Variants in TJP2 observed in about 807,000 individuals in gnomAD.
The protein encoded by TJP2 is Friedreich ataxia region gene X104 (tight junction protein ZO-2).
In TJP2, 91 loss-of-function variants were observed where a neutral mutation model predicts 133.1. That is an observed-to-expected ratio of 0.68 (90% CI 0.58 to 0.81). The LOEUF is 0.81. Among genes scored for constraint, TJP2 ranks in the 40% least tolerant of loss-of-function variants. TJP2 has a pLI of 0.00. For synonymous variants in TJP2, 592 were observed against 583.4 expected, an observed-to-expected ratio of 1.01 and a Z score of -0.21; for missense variants, 1,541 against 1,565.6, an observed-to-expected ratio of 0.98 and a Z score of 0.26.
intron 1 of TJP2, among the ~76,000 whole-genome samples, chr9:69,184,702 T>A (rs1002515626): frequency 6.6e-6 from 1 of 151,770 alleles, no homozygotes; most frequent in Non-Finnish European, 1.5e-5. Flanking sequence ...TTTTCATCAT[T>A]CCTCAAGAAC....
intron 2 of TJP2, among the ~76,000 whole-genome samples, chr9:69,215,774 T>G (rs910695952): frequency 6.6e-6 from 1 of 152,014 alleles, no homozygotes; most frequent in African/African-American, 2.4e-5. Context: ...ACAATGGCTG[T>G]CTGTTGTAAT....
intron 20 of TJP2, among the ~76,000 whole-genome samples, chr9:69,250,144 C>T (rs889666557): frequency 2.6e-5 from 4 of 152,018 alleles, no homozygotes; most frequent in Non-Finnish European, 2.9e-5. Flanking sequence ...ACTCTGTTGC[C>T]CAGGCTGGAG....
At chr9:69,198,167 A>T in intron 1 of TJP2, among the ~76,000 whole-genome samples, 2 of 101,938 alleles carry the variant, frequency 2.0e-5, no homozygotes, top group Non-Finnish European at 1.9e-5. Flanking sequence ...TTTGAGACTG[A>T]GTTTCACTCT....
At chr9:69,169,891 C>T (rs774166107), upstream of TJP2, among the ~76,000 whole-genome samples, 5 of 152,150 alleles carry the variant, frequency 3.3e-5, no homozygotes, top group Non-Finnish European at 7.4e-5. Context: ...ACCTAGGCTG[C>T]AGTATAGTGG....
chr9:69,234,363 C>T (rs1190705607), intron 11 of TJP2, 76 bp from the exon 12 acceptor site: 3 of 1,210,096 alleles, frequency 2.5e-6, no homozygotes, highest in African/African-American at 3.4e-5. Flanking sequence ...CTATAAACTT[C>T]TCTGTTTTTT....
chr9:69,159,232 C>T (rs1194119834), intron 2 of TJP2, among the ~76,000 whole-genome samples: 1 of 151,960 alleles, frequency 6.6e-6, no homozygotes, highest in African/African-American at 2.4e-5. Context: ...AGGAAGATAA[C>T]ATCACTTGCG....
At chr9:69,244,379 C>G (rs1429585301) in intron 17 of TJP2, among the ~76,000 whole-genome samples, 1 of 152,032 alleles carries the variant, frequency 6.6e-6, no homozygotes, top group African/African-American at 2.4e-5. Context: ...CTTTTGCTGT[C>G]GCTCTTGGTG....
intron 1 of TJP2, among the ~76,000 whole-genome samples, chr9:69,124,053 C>CT (rs1378581337): frequency 2.7e-5 from 2 of 72,988 alleles, no homozygotes; most frequent in East Asian, 4.1e-4. Flanking sequence ...AATTTTTTTT[C>CT]TTTTTTTTAG....
intron 1 of TJP2, among the ~76,000 whole-genome samples, chr9:69,129,083 G>C (rs536398827): frequency 6.6e-6 from 1 of 152,338 alleles, no homozygotes; most frequent in South Asian, 2.1e-4. Context: ...TTGATGGGGA[G>C]TACGTAAGCA....
At position 69,252,917 on chromosome 9, in the gene TJP2, G is replaced by C; in HGVS notation, c.3407+17G>C. 6.2e-7 allele frequency: 1 copy of C among 1,613,150 alleles called. No homozygotes were observed. The highest frequency in any genetic ancestry group is 2.2e-5 in the East Asian group (1 of 44,884). Reference sequence around the variant, plus strand: ...GCACACGAGGTAAGGGCTGCCTAGTGGGTACAGGTCTAAGGCGGGGACTTC... The same window carrying C: ...GCACACGAGGTAAGGGCTGCCTAGTCGGTACAGGTCTAAGGCGGGGACTTC... On this transcript the variant is annotated intron_variant, in intron 22 of 22. Transcript: ENST00000377245.
chr9:69,212,465 C>G lies in TJP2; in HGVS notation c.61-83C>G, dbSNP rs372316289. On this transcript the variant is annotated intron_variant, in intron 1 of 22. Coordinates refer to ENST00000377245, the MANE Select transcript of TJP2 (RefSeq NM_004817.4). The stretch of plus-strand genomic sequence containing the variant: ...AGAAAGTGTGAGCTGGACTTTATGT[C>G]GAGGCATTTTGAATGATAATTTTAT... The G allele has an allele frequency of 9.5e-6, 10 of 1,047,460 alleles. No homozygotes were observed. The African/African-American group carries it at 1.2e-4, about 13-fold the overall frequency. 64.9% of individuals were successfully genotyped at this position (1,047,460 alleles called of 1,614,324 possible). A position where few individuals can be genotyped will look rare whatever the true frequency, so the allele number is the denominator to read the frequency against.
chr9:69,173,308 G>A (rs1824790384), upstream of TJP2, among the ~76,000 whole-genome samples: 2 of 152,060 alleles, frequency 1.3e-5, no homozygotes, highest in Admixed American at 6.5e-5. Context: ...ATTTTTAATC[G>A]GTACCTGTTT....
At chr9:69,228,668 G>A (rs1005194475) in intron 9 of TJP2, among the ~76,000 whole-genome samples, 22 of 152,236 alleles carry the variant, frequency 1.4e-4, no homozygotes, top group African/African-American at 3.4e-4. Context: ...AGGGAAGAAG[G>A]AAATAAAAAA....
intron 1 of TJP2, among the ~76,000 whole-genome samples, chr9:69,191,856 T>C (rs1826225463): frequency 2.6e-5 from 4 of 151,856 alleles, no homozygotes. Flanking sequence ...CCTGCCTCAG[T>C]CTCCTGACTA....
intron 1 of TJP2, among the ~76,000 whole-genome samples, chr9:69,210,290 C>CG (rs1827782365): frequency 7.1e-5 from 3 of 42,544 alleles, no homozygotes; most frequent in East Asian, 1.3e-3. Flanking sequence ...CCCCGTCCCC[C>CG]CCCCCCCCCA....
intron 2 of TJP2, among the ~76,000 whole-genome samples, chr9:69,159,753 G>A (rs749894174): frequency 1.3e-5 from 2 of 151,858 alleles, no homozygotes; most frequent in Non-Finnish European, 2.9e-5. Context: ...GAACGCGCCT[G>A]TAGTCCCAGC....
intron 14 of TJP2, 108 bp downstream of exon 14, chr9:69,237,244 C>T: frequency 7.6e-7 from 1 of 1,317,578 alleles, no homozygotes; most frequent in Non-Finnish European, 1.1e-6. Context: ...GTCAGTTATG[C>T]CAAAGGCAGT....
chr9:69,237,192 C>A, intron 14 of TJP2, 56 bp downstream of exon 14: 1 of 1,598,654 alleles, frequency 6.3e-7, no homozygotes. Context: ...AGCCTGTTCA[C>A]CTTTATTTTC....
intron 11 of TJP2, 147 bp from the exon 12 acceptor site, chr9:69,234,291 CA>C: frequency 1.5e-6 from 1 of 662,284 alleles, no homozygotes; most frequent in Non-Finnish European, 2.5e-6. Context: ...GACTCATTTG[CA>C]TCTTGGCTTT....
Sources: gnomAD v4.1 joint callset for allele counts (sites outside exome capture counted in the v4.1 genomes callset) on GRCh38, gnomAD v4.1.1 for gene constraint, MANE v1.5 for transcripts, NCBI Gene and HGNC (gene_info 2026-07-23, HGNC 2026-07-21) for gene names.